ZFPM2: variants seen among roughly 807,000 people sequenced by gnomAD.
The protein encoded by ZFPM2 is zinc finger protein ZFPM2.
A neutral mutation model predicts 98.6 loss-of-function variants in ZFPM2; 20 were observed. That is an observed-to-expected ratio of 0.20 (90% CI 0.14 to 0.29). ZFPM2 has a LOEUF of 0.29. Ranked by LOEUF, ZFPM2 falls within the 10% of genes least tolerant of loss-of-function variation. The pLI, the probability that ZFPM2 is intolerant of heterozygous loss-of-function variation, is 1.00. For missense variants in ZFPM2, 1,310 were observed against 1,388.6 expected, an observed-to-expected ratio of 0.94 and a Z score of 0.90; for synonymous variants, 518 against 502.7, an observed-to-expected ratio of 1.03 and a Z score of -0.41.
intron 3 of ZFPM2, among the ~76,000 whole-genome samples, chr8:105,447,837 C>G (rs1812406158): frequency 6.6e-6 from 1 of 152,084 alleles, no homozygotes; most frequent in Non-Finnish European, 1.5e-5. Flanking sequence ...CAACTCCCGT[C>G]TGACGTGTTT....
intron 1 of ZFPM2, among the ~76,000 whole-genome samples, chr8:105,371,795 T>G (rs2129817254): frequency 6.6e-6 from 1 of 152,148 alleles, no homozygotes; most frequent in South Asian, 2.1e-4. Flanking sequence ...TAAAGGACAT[T>G]ATTAGGATGA....
chr8:105,723,827 T>C (rs2131000847), intron 5 of ZFPM2, among the ~76,000 whole-genome samples: 1 of 151,972 alleles, frequency 6.6e-6, no homozygotes, highest in South Asian at 2.1e-4. Context: ...ATAAATGTCC[T>C]TTGTGGCATT....
chr8:105,508,623 A>G (rs1348472049), intron 3 of ZFPM2, among the ~76,000 whole-genome samples: 1 of 151,946 alleles, frequency 6.6e-6, no homozygotes, highest in East Asian at 1.9e-4. Context: ...GAGCTGAGAA[A>G]CTGGCCTCCT....
intron 4 of ZFPM2, 112 bp from the exon 5 acceptor site, chr8:105,634,134 A>T: frequency 1.3e-6 from 1 of 775,864 alleles, no homozygotes; most frequent in Non-Finnish European, 2.1e-6. Flanking sequence ...GACTTGGATT[A>T]TGGTTTGGGA....
At chr8:105,489,487 G>A (rs1813315484) in intron 3 of ZFPM2, among the ~76,000 whole-genome samples, 1 of 114,428 alleles carries the variant, frequency 8.7e-6, no homozygotes, top group South Asian at 2.5e-4. Context: ...TTTTTGAGAT[G>A]GAATCTCACT....
chr8:105,451,407 C>T (rs1469384000), intron 3 of ZFPM2, among the ~76,000 whole-genome samples: 4 of 152,078 alleles, frequency 2.6e-5, no homozygotes, highest in Non-Finnish European at 2.9e-5. Flanking sequence ...GGTTCTATAC[C>T]GCCAAATTTA....
At chr8:105,366,105 T>C (rs1214655907) in intron 1 of ZFPM2, among the ~76,000 whole-genome samples, 2 of 152,196 alleles carry the variant, frequency 1.3e-5, no homozygotes, top group Non-Finnish European at 2.9e-5. Context: ...TACTATCATA[T>C]CTCAAAATGA....
chr8:105,725,257 T>A (rs1440320046), intron 5 of ZFPM2, among the ~76,000 whole-genome samples: 1 of 151,876 alleles, frequency 6.6e-6, no homozygotes, highest in Non-Finnish European at 1.5e-5. Flanking sequence ...TCCTTATGGC[T>A]TTTACCCACA....
At chr8:105,640,056 G>C (rs1017144618) in intron 5 of ZFPM2, among the ~76,000 whole-genome samples, 1 of 151,660 alleles carries the variant, frequency 6.6e-6, no homozygotes, top group South Asian at 2.1e-4. Context: ...ATCACTTTAC[G>C]TACATTTTCT....
At chr8:105,424,491 T>A (rs189378061) in intron 2 of ZFPM2, among the ~76,000 whole-genome samples, 1 of 152,272 alleles carries the variant, frequency 6.6e-6, no homozygotes, top group African/African-American at 2.4e-5. Flanking sequence ...AGGAAAGATA[T>A]ATGGTGTAAC....
intron 3 of ZFPM2, among the ~76,000 whole-genome samples, chr8:105,459,898 C>A (rs1226505980): frequency 6.6e-6 from 1 of 152,118 alleles, no homozygotes; most frequent in Non-Finnish European, 1.5e-5. Flanking sequence ...CCAAAGTCTG[C>A]TGTCAGGAAA....
chr8:105,662,300 T>A (rs1817406241), intron 5 of ZFPM2: 1 of 151,960 alleles, frequency 6.6e-6, no homozygotes, highest in African/African-American at 2.4e-5. Flanking sequence ...AAGGGGGCAT[T>A]TTTACATTAA....
chr8:105,643,055 T>G (rs1238160984), intron 5 of ZFPM2, among the ~76,000 whole-genome samples: 2 of 152,138 alleles, frequency 1.3e-5, no homozygotes, highest in South Asian at 2.1e-4. Flanking sequence ...TCTGAAAACC[T>G]TAGCATGGAA....
intron 5 of ZFPM2, among the ~76,000 whole-genome samples, chr8:105,778,705 T>C (rs1036613957): frequency 6.6e-6 from 1 of 152,190 alleles, no homozygotes; most frequent in Non-Finnish European, 1.5e-5. Flanking sequence ...TGCAGAAATA[T>C]CAGTCTACAT....
chr8:105,717,285 A>G (rs1001764230), intron 5 of ZFPM2, among the ~76,000 whole-genome samples: 16 of 151,950 alleles, frequency 1.1e-4, no homozygotes, highest in African/African-American at 3.6e-4. Flanking sequence ...AGCATACCCA[A>G]CCTTGAGGGG....
At chr8:105,732,076 G>A (rs1422997586) in intron 5 of ZFPM2, among the ~76,000 whole-genome samples, 3 of 151,714 alleles carry the variant, frequency 2.0e-5, no homozygotes. Context: ...CCAAAGTTCT[G>A]AAGTTAATCC....
chr8:105,326,577 C>G (rs1480001571), intron 1 of ZFPM2, among the ~76,000 whole-genome samples: 1 of 151,628 alleles, frequency 6.6e-6, no homozygotes, highest in Non-Finnish European at 1.5e-5. Context: ...TTATAACCTG[C>G]AAGGTAATGC....
intron 1 of ZFPM2, among the ~76,000 whole-genome samples, chr8:105,377,388 A>C (rs1810748316): frequency 6.6e-6 from 1 of 152,084 alleles, no homozygotes; most frequent in Non-Finnish European, 1.5e-5. Flanking sequence ...ACCCAAGGAA[A>C]TAGAGAACTT....
At chr8:105,734,529 T>C (rs1812023838) in intron 5 of ZFPM2, among the ~76,000 whole-genome samples, 1 of 151,926 alleles carries the variant, frequency 6.6e-6, no homozygotes, top group Non-Finnish European at 1.5e-5. Context: ...AATTCCTCCA[T>C]TTTGTCGGCT....
Sources: allele counts gnomAD v4.1 joint callset (sites outside exome capture counted in the v4.1 genomes callset), GRCh38; gene constraint gnomAD v4.1.1; transcripts MANE v1.5; gene names NCBI Gene and HGNC (gene_info 2026-07-23, HGNC 2026-07-21).